The following KCTD13 variants were observed in gnomAD, a reference collection of about 807,000 sequenced individuals.
KCTD13 encodes the protein BTB/POZ domain-containing adapter for CUL3-mediated RhoA degradation protein 1.
In KCTD13, 15 loss-of-function variants were observed where a neutral mutation model predicts 32.3. The ratio of observed to expected loss-of-function variants is 0.46; its 90% CI spans 0.31 to 0.71. The LOEUF is 0.71. Among genes scored for constraint, KCTD13 ranks in the 30% least tolerant of loss-of-function variants. The pLI is 0.05. For missense variants in KCTD13, 337 were observed against 452.6 expected (o/e 0.74, Z 2.32); for synonymous variants, 189 against 200.1 (o/e 0.94, Z 0.47).
Position 29,906,781 on chromosome 16 carries a change from C to T in KCTD13, c.*91G>A. 2 of 1,169,754 alleles carry T rather than the reference C, an allele frequency of 1.7e-6. No homozygotes were observed. Among genetic ancestry groups the T allele is most frequent in the Admixed American group, 2.0e-5 (1 of 50,048 alleles). 72.5% of individuals were successfully genotyped at this position (1,169,754 alleles called of 1,614,324 possible). On this transcript the variant is annotated 3_prime_UTR_variant, in exon 6 of 6. Coordinates refer to ENST00000568000, the MANE Select transcript of KCTD13 (RefSeq NM_178863.5). ...GACAGAGGAGGACCCACGACTTGGC[C>T]AGCAGAGCCGGGGCAAAAGTCTGGG... is the stretch of plus-strand genomic sequence containing the variant.
At chr16:29,919,439 C>T (rs576759184) in intron 2 of KCTD13, 273 of 152,224 alleles carry the variant, frequency 1.8e-3, no homozygotes, top group African/African-American at 6.1e-3. Flanking sequence ...TAATTACATT[C>T]GTGCCATAGA....
At chr16:29,918,409 TA>T (rs2068847538) in intron 2 of KCTD13, among the ~76,000 whole-genome samples, 1 of 152,240 alleles carries the variant, frequency 6.6e-6, no homozygotes, top group Non-Finnish European at 1.5e-5. Context: ...AATACATACA[TA>T]ATATTACCTA....
intron 1 of KCTD13, among the ~76,000 whole-genome samples, chr16:29,924,020 C>A (rs1306206058): frequency 6.6e-6 from 1 of 151,282 alleles, no homozygotes; most frequent in Admixed American, 6.6e-5. Flanking sequence ...ACTAAAAACA[C>A]AAAATTAGCC....
chr16:29,908,476 C>T (rs1279531724), intron 5 of KCTD13, among the ~76,000 whole-genome samples: 8 of 152,102 alleles, frequency 5.3e-5, no homozygotes, highest in Admixed American at 5.2e-4. Context: ...CCTCCACTTC[C>T]CAAGTTCAAG....
chr16:29,907,866 G>T (rs531191240), intron 5 of KCTD13, among the ~76,000 whole-genome samples: 1 of 151,246 alleles, frequency 6.6e-6, no homozygotes, highest in East Asian at 2.0e-4. Context: ...AGCTGGGTGT[G>T]GTGTCTCCTG....
intron 5 of KCTD13, among the ~76,000 whole-genome samples, chr16:29,910,266 C>T (rs2068682850): frequency 6.6e-6 from 1 of 151,824 alleles, no homozygotes; most frequent in Admixed American, 6.6e-5. Flanking sequence ...GGCATGGTGG[C>T]ACGTGCCTGT....
chr16:29,925,762 G>T, intron 1 of KCTD13, 28 bp downstream of exon 1: 3 of 1,600,412 alleles, frequency 1.9e-6, no homozygotes, highest in Non-Finnish European at 2.6e-6. Context: ...GGTCTGGGGT[G>T]GGGGCACGGT....
At chr16:29,917,714 G>A (rs937503667) in intron 2 of KCTD13, among the ~76,000 whole-genome samples, 6 of 152,202 alleles carry the variant, frequency 3.9e-5, no homozygotes, top group African/African-American at 1.4e-4. Flanking sequence ...GGGAGGCAGA[G>A]GTTGCAGTGA....
At position 29,911,983 on chromosome 16, in the gene KCTD13, G is replaced by A. The variant is rs1328377309; in HGVS notation, c.481C>T (p.Gln161Ter). The A allele has an allele frequency of 1.9e-6, 3 of 1,611,496 alleles. No homozygotes were observed. The highest frequency in any genetic ancestry group is 2.5e-6 in the Non-Finnish European group (3 of 1,179,168). ...ACCTTGGAGGTGCTGGCCAGGAGCTGCTGCTCCTCCCGGGGAGATGTCACC... is the reference window on the plus strand; with the variant it reads ...ACCTTGGAGGTGCTGGCCAGGAGCTACTGCTCCTCCCGGGGAGATGTCACC... ...PMVTSPREEQ[Q>*]LLASTSKPVV... Residue 161 changes from glutamine to a stop codon, truncating the protein, a stop_gained, in exon 3 of 6, where the codon CAG becomes TAG. Transcript: ENST00000568000. LOFTEE classifies it high-confidence loss of function.
intron 2 of KCTD13, chr16:29,921,034 C>T (rs996475121): frequency 1.3e-5 from 2 of 152,036 alleles, no homozygotes; most frequent in African/African-American, 2.4e-5. Context: ...TGAATGAACA[C>T]CGCAGATTTC....
intron 4 of KCTD13, 87 bp downstream of exon 4, chr16:29,911,728 C>A (rs576903580): frequency 2.1e-6 from 3 of 1,419,112 alleles, no homozygotes; most frequent in Non-Finnish European, 2.9e-6. Context: ...GTAGGCCCCC[C>A]GTGTGGCCGT....
At position 29,906,577 on chromosome 16, in the gene KCTD13, A is replaced by G. The variant is rs1403488642; in HGVS notation, c.*295T>C. 2 of 560,284 alleles carry G rather than the reference A, an allele frequency of 3.6e-6. No homozygotes were observed. The highest frequency in any genetic ancestry group is 6.8e-6 in the Non-Finnish European group (2 of 293,530). 34.7% of individuals were successfully genotyped at this position (560,284 alleles called of 1,614,324 possible). A position where few individuals can be genotyped will look rare whatever the true frequency, so the allele number is the denominator to read the frequency against. Reference sequence around the variant, plus strand: ...GGCATGGACGATGCACTAAAAAAAGAGAAAGGGAATTCTAAATCCCTCTTA... The same window carrying G: ...GGCATGGACGATGCACTAAAAAAAGGGAAAGGGAATTCTAAATCCCTCTTA... On this transcript the variant is annotated 3_prime_UTR_variant, in exon 6 of 6. Coordinates refer to ENST00000568000, the MANE Select transcript of KCTD13 (RefSeq NM_178863.5).
chr16:29,911,874 G>C lies in KCTD13; in HGVS notation c.505-7C>G. The C allele has an allele frequency of 6.2e-7, 1 of 1,612,312 alleles. No homozygotes were observed. Among genetic ancestry groups the C allele is most frequent in the Non-Finnish European group, 8.5e-7 (1 of 1,179,068 alleles). Reference sequence around the variant, plus strand: ...GCAGGAGCTTCACCACGGGCTGGCGGGGGAGAGAGGATGGACGAGAGGGGT... The same window carrying C: ...GCAGGAGCTTCACCACGGGCTGGCGCGGGAGAGAGGATGGACGAGAGGGGT... On this transcript the variant is annotated splice_region_variant and splice_polypyrimidine_tract_variant and intron_variant, in intron 3 of 5. Transcript: ENST00000568000.
chr16:29,911,937 C>A lies in KCTD13; in HGVS notation c.504+23G>T, dbSNP rs372064520. The A allele has an allele frequency of 3.6e-4, 577 of 1,609,788 alleles. 1 individual carries two copies. The highest frequency in any genetic ancestry group is 4.5e-4 in the Non-Finnish European group (526 of 1,178,482). On this transcript the variant is annotated intron_variant, in intron 3 of 5. Coordinates refer to ENST00000568000, the MANE Select transcript of KCTD13 (RefSeq NM_178863.5). ...AGAGGCCCCCCCAGTGAGCCTCCACCCTGCAGGGCTTGGGGGCCTCACCTT... is the reference window on the plus strand; with the variant it reads ...AGAGGCCCCCCCAGTGAGCCTCCACACTGCAGGGCTTGGGGGCCTCACCTT...
At chr16:29,916,141 A>C (rs2068805370) in intron 2 of KCTD13, among the ~76,000 whole-genome samples, 2 of 152,192 alleles carry the variant, frequency 1.3e-5, no homozygotes, top group Non-Finnish European at 1.5e-5. Context: ...CTGCCGCTAC[A>C]CAAGGATCTC....
chr16:29,908,863 T>C (rs2150832910), intron 5 of KCTD13, among the ~76,000 whole-genome samples: 1 of 151,990 alleles, frequency 6.6e-6, no homozygotes, highest in East Asian at 1.9e-4. Context: ...CAGTTAATTT[T>C]TTTTTATTTT....
At chr16:29,924,174 C>CAAAAAAA (rs72170823) in intron 1 of KCTD13, among the ~76,000 whole-genome samples, 8,205 of 142,926 alleles carry the variant, frequency 0.057, 341 homozygotes, top group Middle Eastern at 0.1. Context: ...AACTCCATCT[C>CAAAAAAA]AAAAAAAAAG....
chr16:29,920,495 G>A (rs1567446632), intron 2 of KCTD13: 3 of 151,992 alleles, frequency 2.0e-5, no homozygotes, highest in African/African-American at 7.3e-5. Context: ...TATGCAGTAG[G>A]GCTTAATTAT....
intron 2 of KCTD13, chr16:29,913,362 G>C (rs1039735466): frequency 2.6e-5 from 4 of 152,122 alleles, no homozygotes; most frequent in Admixed American, 6.6e-5. Context: ...AAATACCTGA[G>C]AAACACAACA....
Sources: gnomAD v4.1 joint callset for allele counts (sites outside exome capture counted in the v4.1 genomes callset) on GRCh38, gnomAD v4.1.1 for gene constraint, MANE v1.5 for transcripts, NCBI Gene and HGNC (gene_info 2026-07-23, HGNC 2026-07-21) for gene names.